Variants in POLA2 observed in about 807,000 individuals in gnomAD.
The protein encoded by POLA2 is DNA polymerase alpha 2, accessory subunit, also known as DNA polymerase alpha subunit B.
Under a neutral mutation model 82.8 loss-of-function variants are expected in POLA2, and 47 were observed. The observed-to-expected ratio is 0.57, with a 90% CI of 0.45 to 0.72. The LOEUF (loss-of-function observed/expected upper bound fraction) is 0.72. POLA2 is among the 30% of genes least tolerant of loss of function. The pLI, the probability that POLA2 is intolerant of heterozygous loss-of-function variation, is 0.00. For synonymous variants in POLA2, 287 were observed against 286.8 expected, an observed-to-expected ratio of 1.00 and a Z score of -0.01; for missense variants, 634 against 728.1, an observed-to-expected ratio of 0.87 and a Z score of 1.49.
At chr11:65,294,115 CTT>C in intron 13 of POLA2, 36 bp from the exon 14 acceptor site, 1 of 1,577,390 alleles carries the variant, frequency 6.3e-7, no homozygotes, top group Non-Finnish European at 8.7e-7. Flanking sequence ...ACTGCACTCA[CTT>C]TTCTCACTCT....
At chr11:65,273,811 T>C (rs1949546865) in intron 4 of POLA2, among the ~76,000 whole-genome samples, 1 of 152,096 alleles carries the variant, frequency 6.6e-6, no homozygotes, top group Non-Finnish European at 1.5e-5. Context: ...TAAAATCTTT[T>C]TCTATCATTT....
rs201117545 is a variant in POLA2, at chr11:65,289,828, C to A, written c.1200C>A (p.Asp400Glu). The change falls in exon 13 of 18, where the codon GAC becomes GAA. Residue 400 changes from aspartate to glutamate, a missense_variant. Physicochemically the swap from Asp to Glu is conservative, Grantham distance 45. Transcript: ENST00000265465. ...GTCTACTGACAAGTCCATTTGAAGA[C>A]ATTTTCAAGCAGTGTCTACGAACAA... is the stretch of plus-strand genomic sequence containing the variant. The part of the protein sequence containing the change: ...ENCLLTSPFE[D>E]IFKQCLRTII... 1.9e-6 allele frequency: 3 copies of A among 1,611,446 alleles called. No individual in the cohort carries two copies. Among genetic ancestry groups the A allele is most frequent in the Non-Finnish European group, 1.7e-6 (2 of 1,177,580 alleles).
intron 13 of POLA2, 87 bp downstream of exon 13, chr11:65,289,959 C>A: frequency 4.7e-6 from 4 of 858,396 alleles, no homozygotes; most frequent in South Asian, 4.4e-5. Flanking sequence ...GCTTAAAAGT[C>A]GTGGCAGGGC....
rs756085776 is a variant in POLA2, at chr11:65,266,676, C to T, written c.174C>T (p.Thr58=). The part of the protein sequence containing the change: ...FCTSTHKVGL[T]SEILNSFEHE... Reference sequence around the variant, plus strand: ...CCAGCACACATAAAGTTGGCCTTACCTCAGAGATCCTGAACTCTTTTGAGC... The same window carrying T: ...CCAGCACACATAAAGTTGGCCTTACTTCAGAGATCCTGAACTCTTTTGAGC... The change falls in exon 2 of 18, where the codon ACC becomes ACT. Residue 58 remains threonine (T), a synonymous_variant. Transcript: ENST00000265465. 5 of 1,614,132 alleles carry T rather than the reference C, an allele frequency of 3.1e-6. No homozygotes were observed. Among genetic ancestry groups the T allele is most frequent in the South Asian group, 1.1e-5 (1 of 91,080 alleles).
chr11:65,277,470 G>A (rs1949593955), intron 5 of POLA2, among the ~76,000 whole-genome samples: 1 of 152,182 alleles, frequency 6.6e-6, no homozygotes, highest in African/African-American at 2.4e-5. Context: ...GAGCCAGCAT[G>A]CCTGGCAGTA....
In POLA2 at chr11:65,279,536, A is replaced by T. The variant is rs1309128377; in HGVS notation, c.656-2A>T. The T allele has an allele frequency of 1.3e-6, 2 of 1,598,090 alleles. No homozygotes were observed. Among genetic ancestry groups the T allele is most frequent in the Admixed American group, 1.7e-5 (1 of 57,858 alleles). ...TACTTTTTTCCACTTCTGGGATTGT[A>T]GTTCTGACCTGTAAGATAGAAGAAC... is the stretch of plus-strand genomic sequence containing the variant. On this transcript the variant is annotated splice_acceptor_variant, in intron 6 of 17. Transcript: ENST00000265465. LOFTEE classifies it high-confidence loss of function.
chr11:65,288,132 C>T (rs1949716925), intron 11 of POLA2, among the ~76,000 whole-genome samples: 2 of 151,992 alleles, frequency 1.3e-5, no homozygotes, highest in African/African-American at 4.8e-5. Flanking sequence ...ATGGTGAAAC[C>T]CCATCTCTAC....
At chr11:65,264,892 AC>A (rs1949441396) in intron 1 of POLA2, among the ~76,000 whole-genome samples, 1 of 152,036 alleles carries the variant, frequency 6.6e-6, no homozygotes, top group African/African-American at 2.4e-5. Context: ...TACTCTGTTG[AC>A]CCTACTTCCC....
At chr11:65,272,862 A>C (rs1471911167) in intron 4 of POLA2, among the ~76,000 whole-genome samples, 1 of 151,454 alleles carries the variant, frequency 6.6e-6, no homozygotes, top group Non-Finnish European at 1.5e-5. Flanking sequence ...AAATACAAAA[A>C]TATTAGCCGG....
intron 8 of POLA2, 92 bp downstream of exon 8, chr11:65,281,239 G>T: frequency 7.5e-7 from 1 of 1,340,500 alleles, no homozygotes; most frequent in South Asian, 1.3e-5. Context: ...CTCAGTTCCT[G>T]TCTCTGCTGC....
In POLA2 at chr11:65,297,383, G is replaced by A; in HGVS notation, c.*114G>A. 1 of 1,262,988 alleles carries A rather than the reference G, an allele frequency of 7.9e-7. No homozygotes were observed. Among genetic ancestry groups the A allele is most frequent in the Non-Finnish European group, 1.0e-6 (1 of 955,412 alleles). The allele number at this position is 1,262,988 out of a possible 1,614,324, so 78.2% of individuals were successfully genotyped here. A position where few individuals can be genotyped will look rare whatever the true frequency, so the allele number is the denominator to read the frequency against. ...TGGGTGGGAAAGGAGAGAGGAGCCA[G>A]CCAGGGAGGGGCAGCTGCAGTGACC... On this transcript the variant is annotated 3_prime_UTR_variant, in exon 18 of 18. Transcript: ENST00000265465.
At chr11:65,290,289 C>A (rs992716041) in intron 13 of POLA2, among the ~76,000 whole-genome samples, 1 of 150,614 alleles carries the variant, frequency 6.6e-6, no homozygotes, top group African/African-American at 2.5e-5. Flanking sequence ...GTGGCTCACG[C>A]ACTTTGGGAG....
At chr11:65,267,409 G>T in intron 2 of POLA2, 68 bp from the exon 3 acceptor site, 1 of 879,188 alleles carries the variant, frequency 1.1e-6, no homozygotes, top group Non-Finnish European at 1.8e-6. Context: ...ATTATCTCAA[G>T]GCTTTTGAAA....
rs1342934877 is a variant in POLA2, at chr11:65,295,963, C to T, written c.1620C>T (p.Ile540=). Reference sequence around the variant, plus strand: ...CTGTCACCCCAGATGTCCTCATCATCCCGTCAGAGCTGAGGTACTTCGTGA... The same window carrying T: ...CTGTCACCCCAGATGTCCTCATCATTCCGTCAGAGCTGAGGTACTTCGTGA... ...QLPVTPDVLI[I]PSELRYFVKD... Residue 540 remains isoleucine, a synonymous_variant, in exon 17 of 18, where the codon ATC becomes ATT. Coordinates refer to ENST00000265465, the MANE Select transcript of POLA2 (RefSeq NM_002689.4). 6.2e-7 allele frequency: 1 copy of T among 1,614,040 alleles called. No homozygotes were observed. Among genetic ancestry groups the T allele is most frequent in the African/African-American group, 1.3e-5 (1 of 75,050 alleles).
Position 65,268,733 on chromosome 11 carries a change from A to C in POLA2, c.354+4A>C. 1 of 1,565,732 alleles carries C rather than the reference A, an allele frequency of 6.4e-7. No homozygotes were observed. Among genetic ancestry groups the C allele is most frequent in the Non-Finnish European group, 8.7e-7 (1 of 1,150,720 alleles). ...CTCTTACACCACACCTTCAAAGGTA[A>C]GTAAACAGTGTTTGGACATTGCATT... On this transcript the variant is annotated splice_donor_region_variant and intron_variant, in intron 4 of 17. Coordinates refer to ENST00000265465, the MANE Select transcript of POLA2 (RefSeq NM_002689.4).
chr11:65,281,297 G>T, intron 8 of POLA2, 150 bp downstream of exon 8: 1 of 858,878 alleles, frequency 1.2e-6, no homozygotes, highest in Non-Finnish European at 1.8e-6. Context: ...ACCACTGTTG[G>T]GATTCCTGTT....
chr11:65,278,177 G>A (rs1036878246), intron 5 of POLA2, among the ~76,000 whole-genome samples: 4 of 152,128 alleles, frequency 2.6e-5, no homozygotes, highest in African/African-American at 9.7e-5. Context: ...TAGAAAAATG[G>A]GAATGTTTGC....
downstream of POLA2, among the ~76,000 whole-genome samples, chr11:65,300,026 A>G (rs893512087): frequency 2.0e-5 from 3 of 152,056 alleles, no homozygotes; most frequent in Non-Finnish European, 4.4e-5. Context: ...TAGTATGTTC[A>G]TGGTGTTGTG....
At chr11:65,267,872 A>T (rs1436258402) in intron 3 of POLA2, among the ~76,000 whole-genome samples, 1 of 151,700 alleles carries the variant, frequency 6.6e-6, no homozygotes, top group Non-Finnish European at 1.5e-5. Flanking sequence ...GCTCACTGCA[A>T]CCTCTGCCTC....
Sources: allele counts gnomAD v4.1 joint callset (sites outside exome capture counted in the v4.1 genomes callset), GRCh38; gene constraint gnomAD v4.1.1; transcripts MANE v1.5; gene names NCBI Gene and HGNC (gene_info 2026-07-23, HGNC 2026-07-21).